Variants in SLC35F1 observed in about 807,000 individuals in gnomAD.
The protein encoded by SLC35F1 is solute carrier family 35 member F1.
SLC35F1 carries 14 observed loss-of-function variants against 48.7 expected under a neutral mutation model. The observed-to-expected ratio is 0.29, with a 90% confidence interval of 0.19 to 0.45. The LOEUF (loss-of-function observed/expected upper bound fraction) is 0.45, where lower values mean the gene tolerates loss of function less well. Ranked by LOEUF, SLC35F1 falls within the 20% of genes least tolerant of loss-of-function variation. The pLI is 1.00. For synonymous variants in SLC35F1, 190 were observed against 202.2 expected, an observed-to-expected ratio of 0.94 and a Z score of 0.51; for missense variants, 404 against 500.0, an observed-to-expected ratio of 0.81 and a Z score of 1.83.
intron 1 of SLC35F1, among the ~76,000 whole-genome samples, chr6:118,119,544 G>A (rs747012505): frequency 6.4e-5 from 8 of 124,574 alleles, no homozygotes; most frequent in Non-Finnish European, 1.1e-4. Context: ...CACTCTTGTC[G>A]CCCAGGCTGG....
intron 1 of SLC35F1, among the ~76,000 whole-genome samples, chr6:118,148,304 A>G (rs1369470717): frequency 6.6e-6 from 1 of 152,248 alleles, no homozygotes; most frequent in Non-Finnish European, 1.5e-5. Context: ...ATGTAACACT[A>G]TGTTGAAATT....
At chr6:117,924,525 TCA>T (rs1776003387) in intron 1 of SLC35F1, among the ~76,000 whole-genome samples, 1 of 94,138 alleles carries the variant, frequency 1.1e-5, no homozygotes, top group Non-Finnish European at 2.3e-5. Context: ...TATATATATG[TCA>T]AGTTCCATTC....
intron 1 of SLC35F1, among the ~76,000 whole-genome samples, chr6:118,076,095 A>G (rs565761907): frequency 6.6e-6 from 1 of 152,252 alleles, no homozygotes; most frequent in Admixed American, 6.5e-5. Flanking sequence ...TAGTCTGATA[A>G]TTGCTCGTGT....
At chr6:118,105,031 A>G (rs1773310003) in intron 1 of SLC35F1, among the ~76,000 whole-genome samples, 1 of 152,136 alleles carries the variant, frequency 6.6e-6, no homozygotes, top group Middle Eastern at 3.2e-3. Context: ...GTTTCTCTTG[A>G]AGACACCATT....
intron 2 of SLC35F1, among the ~76,000 whole-genome samples, chr6:118,193,074 C>T (rs79534375): frequency 0.02 from 3,058 of 152,076 alleles, 104 homozygotes; most frequent in African/African-American, 0.069. Context: ...CTTCTTTTTT[C>T]GGTAGTTTAT....
At chr6:117,933,817 G>C (rs1185259448) in intron 1 of SLC35F1, among the ~76,000 whole-genome samples, 1 of 152,006 alleles carries the variant, frequency 6.6e-6, no homozygotes, top group Non-Finnish European at 1.5e-5. Flanking sequence ...TCTTCATTCA[G>C]GTTCTAAACT....
chr6:117,935,855 AT>A, intron 1 of SLC35F1, among the ~76,000 whole-genome samples: 1 of 152,352 alleles, frequency 6.6e-6, no homozygotes, highest in Non-Finnish European at 1.5e-5. Flanking sequence ...GTGAATGATC[AT>A]GAAAGTGGCA....
chr6:117,956,051 T>G (rs59005352), intron 1 of SLC35F1, among the ~76,000 whole-genome samples: 3,718 of 152,246 alleles, frequency 0.024, 164 homozygotes, highest in African/African-American at 0.085. Context: ...ATGGCAATGT[T>G]TTGTCACTTG....
intron 1 of SLC35F1, among the ~76,000 whole-genome samples, chr6:118,070,916 A>C (rs369068701): frequency 9.0e-6 from 1 of 111,070 alleles, no homozygotes; most frequent in Non-Finnish European, 1.8e-5. Context: ...ATATATATAC[A>C]TAGTAAATAT....
intron 3 of SLC35F1, among the ~76,000 whole-genome samples, chr6:118,236,216 T>G (rs1457606436): frequency 2.0e-5 from 3 of 152,100 alleles, no homozygotes; most frequent in Non-Finnish European, 2.9e-5. Context: ...TCTTTCCCCC[T>G]TCTTCCCTCT....
chr6:118,015,662 G>C (rs1210265660), intron 1 of SLC35F1, among the ~76,000 whole-genome samples: 4 of 152,150 alleles, frequency 2.6e-5, no homozygotes, highest in African/African-American at 9.7e-5. Flanking sequence ...TCTGAAAACA[G>C]CTGTTCTCTA....
chr6:117,923,638 CATATGTACATATGTACATATGT>C (rs1775942725), intron 1 of SLC35F1, among the ~76,000 whole-genome samples: 6 of 50,960 alleles, frequency 1.2e-4, no homozygotes, highest in Non-Finnish European at 1.9e-4. Context: ...CATATATGTA[CATATGTACATATGTACATATGT>C]ATATATACAT....
chr6:118,310,196 C>A (rs2114670828), intron 7 of SLC35F1, among the ~76,000 whole-genome samples: 1 of 152,320 alleles, frequency 6.6e-6, no homozygotes, highest in South Asian at 2.1e-4. Flanking sequence ...GGACAGCAAG[C>A]AGCCCCTGCT....
intron 1 of SLC35F1, among the ~76,000 whole-genome samples, chr6:117,914,970 A>C (rs1288080039): frequency 1.2e-4 from 19 of 152,230 alleles, no homozygotes; most frequent in Admixed American, 1.2e-3. Flanking sequence ...AAGGAAAAGG[A>C]GAACAGATTT....
At chr6:117,949,880 C>T (rs115565118) in intron 1 of SLC35F1, among the ~76,000 whole-genome samples, 2 of 152,020 alleles carry the variant, frequency 1.3e-5, no homozygotes, top group African/African-American at 2.4e-5. Context: ...GGGTGGTCTA[C>T]GCACTTGATA....
At chr6:117,917,772 G>A (rs1775845221) in intron 1 of SLC35F1, among the ~76,000 whole-genome samples, 1 of 152,034 alleles carries the variant, frequency 6.6e-6, no homozygotes, top group Non-Finnish European at 1.5e-5. Context: ...GGAATTCTGG[G>A]GAGAAGTCAG....
intron 1 of SLC35F1, among the ~76,000 whole-genome samples, chr6:118,038,386 A>G (rs1425441507): frequency 6.6e-6 from 1 of 151,746 alleles, no homozygotes; most frequent in Non-Finnish European, 1.5e-5. Context: ...GGCAATAATG[A>G]TAATAATAAT....
chr6:118,217,608 G>A (rs1309063887), intron 2 of SLC35F1, among the ~76,000 whole-genome samples: 2 of 152,108 alleles, frequency 1.3e-5, no homozygotes, highest in Non-Finnish European at 2.9e-5. Flanking sequence ...CTTAAAAATA[G>A]TTAGATGGTA....
intron 1 of SLC35F1, among the ~76,000 whole-genome samples, chr6:117,973,503 T>G: frequency 6.6e-6 from 1 of 152,152 alleles, no homozygotes; most frequent in Non-Finnish European, 1.5e-5. Context: ...TTTCTGGGTC[T>G]CTCCACATTG....
Sources: gnomAD v4.1 joint callset for allele counts (sites outside exome capture counted in the v4.1 genomes callset) on GRCh38, gnomAD v4.1.1 for gene constraint, MANE v1.5 for transcripts, NCBI Gene and HGNC (gene_info 2026-07-23, HGNC 2026-07-21) for gene names.